PCDHGB6: variants seen among roughly 807,000 people sequenced by gnomAD.
PCDHGB6 encodes protocadherin gamma-B6.
In PCDHGB6, 51 loss-of-function variants were observed where a neutral mutation model predicts 59.1. The observed-to-expected ratio is 0.86, with a 90% CI of 0.69 to 1.09. The LOEUF is 1.09. Ranked by LOEUF, PCDHGB6 falls within the 50% of genes least tolerant of loss-of-function variation. The pLI is 0.00. For missense variants in PCDHGB6, 1,148 were observed against 1,205.1 expected (o/e 0.95, Z 0.70); for synonymous variants, 466 against 495.1 (o/e 0.94, Z 0.78).
At position 141,477,758 on chromosome 5, in the gene PCDHGB6, G is replaced by A; in HGVS notation, c.2419-17049G>A. 2 of 1,613,924 alleles carry A rather than the reference G, an allele frequency of 1.2e-6. No homozygotes were observed. The highest frequency in any genetic ancestry group is 1.7e-5 in the Admixed American group (1 of 60,022). On this transcript the variant is annotated intron_variant, in intron 1 of 3. Transcript: ENST00000520790. The surrounding 1 kb of genome is among the most constrained non-coding windows in gnomAD (Gnocchi z 4.9). ...CAGCGATGGGGGCACCCCGGTCCTA[G>A]CCACCAACATCAGCGTGAACATATT...
At chr5:141,440,732 A>C (rs2154559008) in intron 1 of PCDHGB6, 1 of 152,346 alleles carries the variant, frequency 6.6e-6, no homozygotes, top group African/African-American at 2.4e-5. Context: ...GTGTTAGAGA[A>C]GCTGCTTGAC....
Position 141,476,878 on chromosome 5 carries a change from G to A in PCDHGB6, c.2419-17929G>A. 2 of 1,613,960 alleles carry A rather than the reference G, an allele frequency of 1.2e-6. No homozygotes were observed. The highest frequency in any genetic ancestry group is 1.7e-6 in the Non-Finnish European group (2 of 1,180,034). Reference sequence around the variant, plus strand: ...AGTCCTTGTACCGGGCGCGCGTCCTGGAGGATGCACCCTCCGGCACGCGCG... The same window carrying A: ...AGTCCTTGTACCGGGCGCGCGTCCTAGAGGATGCACCCTCCGGCACGCGCG... On this transcript the variant is annotated intron_variant, in intron 1 of 3. Transcript: ENST00000520790. This position sits in a 1 kb window ranked among gnomAD's most constrained non-coding sequence, Gnocchi z 7.6.
intron 1 of PCDHGB6, chr5:141,412,017 A>C (rs914087284): frequency 1.4e-5 from 2 of 146,532 alleles, no homozygotes; most frequent in African/African-American, 5.3e-5. Context: ...ACTTCTGAAC[A>C]TCCTGTTCTC....
Position 141,476,645 on chromosome 5 carries a change from A to C in PCDHGB6, c.2419-18162A>C. 1 of 1,614,246 alleles carries C rather than the reference A, an allele frequency of 6.2e-7. No homozygotes were observed. The highest frequency in any genetic ancestry group is 8.5e-7 in the Non-Finnish European group (1 of 1,180,052). On this transcript the variant is annotated intron_variant, in intron 1 of 3. Coordinates refer to ENST00000520790, the MANE Select transcript of PCDHGB6 (RefSeq NM_018926.3). The surrounding 1 kb of genome is among the most constrained non-coding windows in gnomAD (Gnocchi z 7.6). ...TTTACAAACCTATGAGCTGAGCCGA[A>C]ATGAATACTTTGCGCTTCGCGTGCA...
At position 141,409,067 on chromosome 5, in the gene PCDHGB6, A is replaced by G. The variant is rs2095219315; in HGVS notation, c.865A>G (p.Lys289Glu). The change falls in exon 1 of 4, where the codon AAA becomes GAA. Residue 289 changes from lysine to glutamate, a missense_variant. Lys to Glu is a moderately conservative substitution (Grantham distance 56, BLOSUM62 1). Around this residue, in one of 5 missense-constraint regions of PCDHGB6, gnomAD observed 549 missense variants for 527.5 expected, o/e 1.04. Coordinates refer to ENST00000520790, the MANE Select transcript of PCDHGB6 (RefSeq NM_018926.3). ...YYFRSTAQSTKHMFSLDEKTG... is the reference protein window; with the variant it reads ...YYFRSTAQSTEHMFSLDEKTG... Reference sequence around the variant, plus strand: ...CTTCCGAAGCACTGCCCAGAGCACAAAACATATGTTCTCATTGGATGAGAA... The same window carrying G: ...CTTCCGAAGCACTGCCCAGAGCACAGAACATATGTTCTCATTGGATGAGAA... 1.2e-6 allele frequency: 2 copies of G among 1,614,034 alleles called. No homozygotes were observed. The highest frequency in any genetic ancestry group is 2.2e-5 in the South Asian group (2 of 91,080).
rs1254680765 is a variant in PCDHGB6 at position 141,491,399 on chromosome 5, A to G, written c.2419-3408A>G. ...CTGTCAGCGAAGTGCCTTCAGGGAA[A>G]CGCAGACGGGGACGGGGGTGGAGGG... On this transcript the variant is annotated intron_variant, in intron 1 of 3. Transcript: ENST00000520790. This position sits in a 1 kb window ranked among gnomAD's most constrained non-coding sequence, Gnocchi z 6.9. 3 of 1,613,998 alleles carry G rather than the reference A, an allele frequency of 1.9e-6. No homozygotes were observed. Among genetic ancestry groups the G allele is most frequent in the Non-Finnish European group, 2.5e-6 (3 of 1,180,028 alleles).
chr5:141,482,530 C>CAAAAAAAAAAAAAAAAAA (rs3074545), intron 1 of PCDHGB6, among the ~76,000 whole-genome samples: 1 of 76,562 alleles, frequency 1.3e-5, no homozygotes, highest in Non-Finnish European at 2.6e-5. Flanking sequence ...GACAGACATG[C>CAAAAAAAAAAAAAAAAAA]AAAAAAAAAA....
chr5:141,415,496 T>C, intron 1 of PCDHGB6: 1 of 1,614,070 alleles, frequency 6.2e-7, no homozygotes. Flanking sequence ...CACCTGATCT[T>C]CCCCCAGCCC....
Position 141,413,187 on chromosome 5 carries a change from A to G in PCDHGB6, c.2418+2567A>G, listed in dbSNP as rs778441437. The G allele has an allele frequency of 6.2e-6, 10 of 1,606,328 alleles. No individual in the cohort carries two copies. The African/African-American group carries it at 1.3e-4, about 22-fold the overall frequency. On this transcript the variant is annotated intron_variant, in intron 1 of 3. Transcript: ENST00000520790. Reference sequence around the variant, plus strand: ...GTAACCAGACTACAATGGCCGCTCAAAGGAATCGCTCAAAGGAATCAAAGG... The same window carrying G: ...GTAACCAGACTACAATGGCCGCTCAGAGGAATCGCTCAAAGGAATCAAAGG...
At chr5:141,445,148 C>A (rs1051995635) in intron 1 of PCDHGB6, among the ~76,000 whole-genome samples, 3 of 152,092 alleles carry the variant, frequency 2.0e-5, no homozygotes, top group Non-Finnish European at 4.4e-5. Context: ...TCTAATTGTT[C>A]ATTTCTAGTT....
In PCDHGB6 at chr5:141,485,101, T is replaced by C; in HGVS notation, c.2419-9706T>C. On this transcript the variant is annotated intron_variant, in intron 1 of 3. Coordinates refer to ENST00000520790, the MANE Select transcript of PCDHGB6 (RefSeq NM_018926.3). The surrounding 1 kb of genome is among the most constrained non-coding windows in gnomAD (Gnocchi z 5.7). ...GGAAAGGGAGATAGGTGTCTCCAGC[T>C]GCTGTGGCTGTTTGGGGCGGGTCGG... 1 of 1,158,208 alleles carries C rather than the reference T, an allele frequency of 8.6e-7. No homozygotes were observed. Among genetic ancestry groups the C allele is most frequent in the South Asian group, 1.4e-5 (1 of 72,622 alleles). The allele number at this position is 1,158,208 out of a possible 1,614,324, so 71.7% of individuals were successfully genotyped here.
intron 1 of PCDHGB6, among the ~76,000 whole-genome samples, chr5:141,449,290 G>A (rs1255760925): frequency 1.3e-5 from 2 of 151,934 alleles, no homozygotes; most frequent in Admixed American, 6.6e-5. Context: ...CGGATGCACC[G>A]GGTGAATTAT....
chr5:141,433,140 CAGGTGATTCGGTATTTTCTAAAG>C (rs2097570930), intron 1 of PCDHGB6: 1 of 1,613,948 alleles, frequency 6.2e-7, no homozygotes, highest in Non-Finnish European at 8.5e-7. Flanking sequence ...CTTTTGCTGT[CAGGTGATTCGGTATTTTCTAAAG>C]ACAGTCATGG....
chr5:141,438,579 CATACATACATACATATAT>C (rs1303045573), intron 1 of PCDHGB6, among the ~76,000 whole-genome samples: 21 of 55,772 alleles, frequency 3.8e-4, no homozygotes, highest in Admixed American at 1.1e-3. Context: ...GATATACATA[CATACATACATACATATAT>C]ATATATATAT....
intron 1 of PCDHGB6, among the ~76,000 whole-genome samples, chr5:141,488,534 A>C (rs1169478867): frequency 1.3e-5 from 2 of 152,292 alleles, no homozygotes; most frequent in East Asian, 3.9e-4. Flanking sequence ...AGAAAAGCTA[A>C]GTCCCATGTC....
intron 1 of PCDHGB6, chr5:141,421,623 C>T: frequency 6.2e-7 from 1 of 1,613,810 alleles, no homozygotes. Flanking sequence ...ATAACGCCCC[C>T]AGCTTCCAGG....
At chr5:141,421,261 C>T (rs753531462) in intron 1 of PCDHGB6, 24 of 1,609,076 alleles carry the variant, frequency 1.5e-5, no homozygotes, top group Non-Finnish European at 2.0e-5. Context: ...GGACCGCAGT[C>T]GGCTGCTGCT....
rs1036342508 is a variant in PCDHGB6 at position 141,408,201 on chromosome 5, C to T, written c.-2C>T. On this transcript the variant is annotated 5_prime_UTR_variant, in exon 1 of 4. In the 5' UTR this introduces an upstream ATG that the reference lacks. Transcript: ENST00000520790. ...GGGACCCAGCGAGAACCCGAGCGAA[C>T]GATGGGAGGGAGCTGCGCGCAGAGG... 4 of 1,548,914 alleles carry T rather than the reference C, an allele frequency of 2.6e-6. No individual in the cohort carries two copies. The highest frequency in any genetic ancestry group is 2.4e-5 in the South Asian group (2 of 84,170).
Position 141,409,208 on chromosome 5 carries a change from G to A in PCDHGB6, c.1006G>A (p.Glu336Lys). The change falls in exon 1 of 4, where the codon GAA becomes AAA. Residue 336 changes from glutamate (E) to lysine (K), a missense_variant. By Grantham distance (56) the Glu-to-Lys change is moderately conservative. Transcript: ENST00000520790. ...CTCTACCCAGTGTAAAGTAATCATAGAAATCCTTGATGAAAACGACAACAG... is the reference window on the plus strand; with the variant it reads ...CTCTACCCAGTGTAAAGTAATCATAAAAATCCTTGATGAAAACGACAACAG... The part of the protein sequence containing the change: ...GLSTQCKVII[E>K]ILDENDNSPE... 6.2e-7 allele frequency: 1 copy of A among 1,613,984 alleles called. No individual in the cohort carries two copies. The highest frequency in any genetic ancestry group is 1.1e-5 in the South Asian group (1 of 91,080).
Sources: allele counts gnomAD v4.1 joint callset (sites outside exome capture counted in the v4.1 genomes callset), GRCh38; gene constraint gnomAD v4.1.1; regional missense constraint gnomAD v4.1.1; non-coding constraint Gnocchi (gnomAD v3.1); transcripts MANE v1.5; gene names NCBI Gene and HGNC (gene_info 2026-07-23, HGNC 2026-07-21).